Variants in DCHS2 observed in about 807,000 individuals in gnomAD.
DCHS2 encodes the protein protocadherin-23.
DCHS2 carries 142 observed loss-of-function variants against 182.4 expected under a neutral mutation model. The ratio of observed to expected loss-of-function variants is 0.78; its 90% confidence interval spans 0.68 to 0.89. The LOEUF is 0.89. Ranked by LOEUF, DCHS2 falls within the 40% of genes least tolerant of loss-of-function variation. The pLI, the probability that DCHS2 is intolerant of heterozygous loss-of-function variation, is 0.00. For synonymous variants in DCHS2, 1,740 were observed against 1,663.3 expected (o/e 1.05, Z -1.12); for missense variants, 4,319 against 4,198.6 (o/e 1.03, Z -0.79).
rs1406413496 is a variant in DCHS2, at chr4:154,255,510, T to C, written c.6941+9A>G. The C allele has an allele frequency of 1.2e-6, 2 of 1,612,642 alleles. No homozygotes were observed. The highest frequency in any genetic ancestry group is 1.7e-6 in the Non-Finnish European group (2 of 1,179,346). ...AAATGGAGCCAATGGATCTGAACCC[T>C]GGACCAACCTGTAGGAGCTGGTGAG... On this transcript the variant is annotated intron_variant, in intron 16 of 19. Coordinates refer to ENST00000357232, the MANE Select transcript of DCHS2 (RefSeq NM_001358235.2).
At chr4:154,455,472 T>C (rs1734724824) in intron 1 of DCHS2, among the ~76,000 whole-genome samples, 1 of 152,234 alleles carries the variant, frequency 6.6e-6, no homozygotes, top group South Asian at 2.1e-4. Context: ...GCAAGTGATT[T>C]TGTTTATTAA....
At chr4:154,237,287 G>A in intron 19 of DCHS2, 128 bp from the exon 20 acceptor site, 2 of 1,210,828 alleles carry the variant, frequency 1.7e-6, no homozygotes, top group Non-Finnish European at 2.2e-6. Context: ...AAGTCACAAT[G>A]AACAATGACT....
intron 3 of DCHS2, among the ~76,000 whole-genome samples, chr4:154,353,583 T>C (rs1343586331): frequency 6.6e-6 from 1 of 152,236 alleles, no homozygotes; most frequent in Non-Finnish European, 1.5e-5. Flanking sequence ...AGAGACATGA[T>C]GACCCCTTGC....
chr4:154,312,614 C>T (rs770681479), intron 10 of DCHS2, among the ~76,000 whole-genome samples: 3 of 151,964 alleles, frequency 2.0e-5, no homozygotes, highest in Admixed American at 6.6e-5. Context: ...AAATGAAGTA[C>T]GGAGGAAAGT....
Position 154,234,944 on chromosome 4 carries a change from A to G in DCHS2, c.9708T>C (p.Tyr3236=). ...HDGKDNYHWN[Y]LLSWEPKFQP... is the part of the protein sequence containing the mutation. ...GGAATTTGGGCTCCCAACTAAGAAG[A>G]TAATTCCAGTGATAGTTGTCTTTTC... The change falls in exon 20 of 20, where the codon TAT becomes TAC. Residue 3236 remains tyrosine (Y), a synonymous_variant. Coordinates refer to ENST00000357232, the MANE Select transcript of DCHS2 (RefSeq NM_001358235.2). The G allele has an allele frequency of 6.2e-7, 1 of 1,614,084 alleles. No homozygotes were observed. The highest frequency in any genetic ancestry group is 8.5e-7 in the Non-Finnish European group (1 of 1,179,962).
chr4:154,342,974 T>C (rs1184344874), intron 3 of DCHS2, among the ~76,000 whole-genome samples: 2 of 152,226 alleles, frequency 1.3e-5, no homozygotes, highest in African/African-American at 4.8e-5. Context: ...TACTCCTTGA[T>C]GGATGCATGG....
intron 15 of DCHS2, among the ~76,000 whole-genome samples, chr4:154,256,422 A>T (rs764527402): frequency 1.3e-5 from 2 of 152,202 alleles, no homozygotes; most frequent in African/African-American, 4.8e-5. Flanking sequence ...GGTGTGAGCC[A>T]CTGTGGCTGG....
chr4:154,471,532 T>C (rs1735468150), intron 1 of DCHS2, among the ~76,000 whole-genome samples: 1 of 152,130 alleles, frequency 6.6e-6, no homozygotes, highest in Non-Finnish European at 1.5e-5. Context: ...CTGGCTATCC[T>C]CAGTCACAGA....
chr4:154,370,494 G>C (rs942233063), intron 2 of DCHS2, among the ~76,000 whole-genome samples: 2 of 152,122 alleles, frequency 1.3e-5, no homozygotes, highest in East Asian at 1.9e-4. Flanking sequence ...ATTATGCCCT[G>C]TATGCTTATG....
intron 13 of DCHS2, among the ~76,000 whole-genome samples, chr4:154,295,687 A>G (rs943971572): frequency 2.6e-5 from 4 of 152,238 alleles, no homozygotes; most frequent in East Asian, 1.9e-4. Context: ...AATAACAACC[A>G]AAGAAAGCAA....
At chr4:154,429,263 G>A (rs1009636951) in intron 1 of DCHS2, among the ~76,000 whole-genome samples, 2 of 152,158 alleles carry the variant, frequency 1.3e-5, no homozygotes, top group Admixed American at 1.3e-4. Context: ...ACAGCAAATT[G>A]GAGAGCCGAA....
chr4:154,395,106 G>A (rs1185732507), intron 1 of DCHS2, among the ~76,000 whole-genome samples: 2 of 152,122 alleles, frequency 1.3e-5, no homozygotes, highest in Non-Finnish European at 1.5e-5. Flanking sequence ...GAGATAATCT[G>A]TGTAAAGCTC....
chr4:154,324,871 A>G (rs920058924), intron 7 of DCHS2, among the ~76,000 whole-genome samples: 4 of 152,180 alleles, frequency 2.6e-5, no homozygotes, highest in Non-Finnish European at 5.9e-5. Context: ...GCATTCATGA[A>G]TATGATACAT....
rs770084440 is a variant in DCHS2 at position 154,234,599 on chromosome 4, TA to T, written c.10052del (p.Leu3351TyrfsTer2). ...ALSPLLREGE[L>X]LGTHISGTCH... is the part of the protein sequence containing the mutation. The stretch of plus-strand genomic sequence containing the variant: ...ATGTACCACTGATGTGTGTTCCTAA[TA>T]ATTCTCCTTCTCTCAACAGTGGAGA... On this transcript the variant is annotated frameshift_variant, in exon 20 of 20. Transcript: ENST00000357232. LOFTEE classifies it low-confidence loss of function (END_TRUNC). The T allele has an allele frequency of 6.2e-7, 1 of 1,614,010 alleles. No individual in the cohort carries two copies. Among genetic ancestry groups the T allele is most frequent in the Non-Finnish European group, 8.5e-7 (1 of 1,179,926 alleles).
At chr4:154,390,741 T>C (rs944314466) in intron 1 of DCHS2, among the ~76,000 whole-genome samples, 2 of 152,176 alleles carry the variant, frequency 1.3e-5, no homozygotes, top group Non-Finnish European at 2.9e-5. Context: ...CAACTCTAAC[T>C]ATTCAGGACA....
intron 1 of DCHS2, among the ~76,000 whole-genome samples, chr4:154,387,774 T>C (rs530532587): frequency 4.6e-5 from 7 of 152,174 alleles, no homozygotes; most frequent in African/African-American, 1.7e-4. Context: ...GCAACAAATA[T>C]ATAGTAAAAT....
chr4:154,312,681 C>A (rs781520444), intron 10 of DCHS2, among the ~76,000 whole-genome samples: 1 of 152,112 alleles, frequency 6.6e-6, no homozygotes, highest in Non-Finnish European at 1.5e-5. Context: ...CATAAAGAAA[C>A]ATTTAAAATA....
At chr4:154,417,198 TGTGTGTGAGAGAGAGAGAGAGAGAGAGA>T (rs1732883109) in intron 1 of DCHS2, among the ~76,000 whole-genome samples, 1 of 65,288 alleles carries the variant, frequency 1.5e-5, no homozygotes, top group African/African-American at 6.0e-5. Flanking sequence ...TGTGTGTGTG[TGTGTGTGAGAGAGAGAGAGAGAGAGAGA>T]GAGAGAGAGA....
Position 154,320,735 on chromosome 4 carries a change from G to C in DCHS2, c.4664C>G (p.Pro1555Arg). ...RIQYYIESHN[P>R]GTNPFLIHPS... Reference sequence around the variant, plus strand: ...GTGGATGAGAAATGGATTCGTGCCAGGGTTGTGGGATTCAATGTAGTATTG... The same window carrying C: ...GTGGATGAGAAATGGATTCGTGCCACGGTTGTGGGATTCAATGTAGTATTG... The change falls in exon 9 of 20, where the codon CCT becomes CGT. Residue 1555 changes from proline to arginine, a missense_variant. Transcript: ENST00000357232. 6.2e-7 allele frequency: 1 copy of C among 1,614,106 alleles called. No individual in the cohort carries two copies. Among genetic ancestry groups the C allele is most frequent in the African/African-American group, 1.3e-5 (1 of 75,018 alleles).
Sources: gnomAD v4.1 joint callset for allele counts (sites outside exome capture counted in the v4.1 genomes callset) on GRCh38, gnomAD v4.1.1 for gene constraint, MANE v1.5 for transcripts, NCBI Gene and HGNC (gene_info 2026-07-23, HGNC 2026-07-21) for gene names.